The following OR2A42 variants were observed in gnomAD, a reference collection of about 807,000 sequenced individuals.
The protein encoded by OR2A42 is olfactory receptor 2A1/2A42.
For missense variants in OR2A42, 3 were observed against 104.1 expected, an observed-to-expected ratio of 0.03 and a Z score of 4.23; for synonymous variants, 5 against 46.4, an observed-to-expected ratio of 0.11 and a Z score of 3.63.
In OR2A42 at chr7:144,230,022, G is replaced by T. The variant is rs1265069521; in HGVS notation, c.*1889C>A. The T allele has an allele frequency of 6.7e-6, 1 of 149,164 alleles. No individual in the cohort carries two copies. The highest frequency in any genetic ancestry group is 1.9e-4 in the East Asian group (1 of 5,166). 9.2% of individuals were successfully genotyped at this position (149,164 alleles called of 1,614,324 possible). On this transcript the variant is annotated 3_prime_UTR_variant, in exon 3 of 3. Coordinates refer to ENST00000641810, the MANE Select transcript of OR2A42 (RefSeq NM_001001802.3). The stretch of plus-strand genomic sequence containing the variant: ...CTTAAAAGTTTTATCCATTGTTTTT[G>T]GTTTCACCATCCTGCCCGTCAAGAG...
chr7:144,235,013 G>A (rs1216943368), intron 2 of OR2A42, among the ~76,000 whole-genome samples: 1 of 146,598 alleles, frequency 6.8e-6, no homozygotes, highest in African/African-American at 2.6e-5. Context: ...GCGGTGGTGT[G>A]ATTACGGCTC....
chr7:144,235,700 T>C (rs1182565882), intron 2 of OR2A42, among the ~76,000 whole-genome samples: 2 of 152,162 alleles, frequency 1.3e-5, no homozygotes, highest in Non-Finnish European at 2.9e-5. Context: ...ATAGTTTCTT[T>C]CATTCTACAT....
At chr7:144,236,704 TC>T (rs2052434595) in intron 2 of OR2A42, among the ~76,000 whole-genome samples, 1 of 88,834 alleles carries the variant, frequency 1.1e-5, no homozygotes, top group Non-Finnish European at 2.0e-5. Flanking sequence ...TTTTTTTTTT[TC>T]TTTCTCTTTT....
chr7:144,234,966 T>A (rs78527371), intron 2 of OR2A42, among the ~76,000 whole-genome samples: 9,980 of 134,026 alleles, frequency 0.074, 29 homozygotes, highest in Non-Finnish European at 0.12. Flanking sequence ...TTATTTATTT[T>A]TTTGAGACGG....
intron 2 of OR2A42, among the ~76,000 whole-genome samples, chr7:144,237,562 AAAC>A (rs1194054691): frequency 4.5e-5 from 6 of 132,076 alleles, no homozygotes; most frequent in African/African-American, 1.9e-4. Context: ...ACAAACAAAC[AAAC>A]AACAACAAAA....
In OR2A42 at chr7:144,228,672, C is replaced by T. The variant is rs2052330457; in HGVS notation, c.*3239G>A. ...AAATGGGGTCAACAGATAAAGTGTC[C>T]TCTATGTATTCCGTATGTTTTTTGT... On this transcript the variant is annotated 3_prime_UTR_variant, in exon 3 of 3. Transcript: ENST00000641810. The T allele has an allele frequency of 7.9e-6, 1 of 126,396 alleles. No individual in the cohort carries two copies. Among genetic ancestry groups the T allele is most frequent in the African/African-American group, 2.9e-5 (1 of 34,332 alleles). The allele number at this position is 126,396 out of a possible 1,614,324, so 7.8% of individuals were successfully genotyped here.
In OR2A42 at chr7:144,228,505, A is replaced by C. The variant is rs1490601228; in HGVS notation, c.*3406T>G. 5 of 120,162 alleles carry C rather than the reference A, an allele frequency of 4.2e-5. 1 individual carries two copies. Among genetic ancestry groups the C allele is most frequent in the Non-Finnish European group, 9.0e-5 (5 of 55,280 alleles). The allele number at this position is 120,162 out of a possible 1,614,324, so 7.4% of individuals were successfully genotyped here. ...CATATTTGATGTAAGAATTTTTCTA[A>C]AGCATTTTATGCAGTGCCAACCACA... On this transcript the variant is annotated 3_prime_UTR_variant, in exon 3 of 3. Transcript: ENST00000641810.
rs1387136436 is a variant in OR2A42, at chr7:144,229,698, A to G, written c.*2213T>C. The G allele has an allele frequency of 6.6e-6, 1 of 150,438 alleles. No homozygotes were observed. Among genetic ancestry groups the G allele is most frequent in the African/African-American group, 2.4e-5 (1 of 41,014 alleles). 9.3% of individuals were successfully genotyped at this position (150,438 alleles called of 1,614,324 possible). A position where few individuals can be genotyped will look rare whatever the true frequency, so the allele number is the denominator to read the frequency against. On this transcript the variant is annotated 3_prime_UTR_variant, in exon 3 of 3. Transcript: ENST00000641810. ...GCAGCATCTGCCGTGAAACTAAACA[A>G]CCGTTTAAAAACTGTTCGGCAGCAA...
chr7:144,230,149 GTTT>G lies in OR2A42; in HGVS notation c.*1759_*1761del. On this transcript the variant is annotated 3_prime_UTR_variant, in exon 3 of 3. Coordinates refer to ENST00000641810, the MANE Select transcript of OR2A42 (RefSeq NM_001001802.3). ...AAAAAAAGCTGTTTTTTGTTTGTTT[GTTT>G]GTTTGTTTGTTTGTTTTTCCCCCAG... The G allele has an allele frequency of 7.5e-6, 1 of 133,966 alleles. No homozygotes were observed. The highest frequency in any genetic ancestry group is 2.5e-4 in the South Asian group (1 of 4,058). 8.3% of individuals were successfully genotyped at this position (133,966 alleles called of 1,614,324 possible). A position where few individuals can be genotyped will look rare whatever the true frequency, so the allele number is the denominator to read the frequency against.
At chr7:144,238,171 T>C (rs1382997161) in intron 2 of OR2A42, among the ~76,000 whole-genome samples, 2 of 109,348 alleles carry the variant, frequency 1.8e-5, no homozygotes, top group Admixed American at 1.9e-4. Context: ...GATTTTGTAG[T>C]CTTGATTATG....
chr7:144,235,078 AG>A (rs779355897), intron 2 of OR2A42, among the ~76,000 whole-genome samples: 2 of 146,940 alleles, frequency 1.4e-5, no homozygotes, highest in Non-Finnish European at 3.0e-5. Flanking sequence ...CCTCCCAAGT[AG>A]CTGGGATTAC....
In OR2A42 at chr7:144,229,144, C is replaced by G. The variant is rs1271908443; in HGVS notation, c.*2767G>C. 7.7e-6 allele frequency: 1 copy of G among 129,220 alleles called. No individual in the cohort carries two copies. Among genetic ancestry groups the G allele is most frequent in the Non-Finnish European group, 1.7e-5 (1 of 57,916 alleles). The allele number at this position is 129,220 out of a possible 1,614,324, so 8.0% of individuals were successfully genotyped here. A position where few individuals can be genotyped will look rare whatever the true frequency, so the allele number is the denominator to read the frequency against. ...GTTCCAGATCAGAAAGTTTAGCAAC[C>G]CTGACAGGTTTAAAATAACTTCTGA... is the stretch of plus-strand genomic sequence containing the variant. On this transcript the variant is annotated 3_prime_UTR_variant, in exon 3 of 3. Coordinates refer to ENST00000641810, the MANE Select transcript of OR2A42 (RefSeq NM_001001802.3).
intron 1 of OR2A42, 115 bp from the exon 2 acceptor site, chr7:144,238,858 T>A (rs1331931299): frequency 6.7e-6 from 1 of 149,978 alleles, no homozygotes; most frequent in Non-Finnish European, 1.5e-5. Flanking sequence ...GACAACATCT[T>A]TCATTATAGT....
At chr7:144,237,876 A>G (rs1212906650) in intron 2 of OR2A42, among the ~76,000 whole-genome samples, 1 of 148,410 alleles carries the variant, frequency 6.7e-6, no homozygotes, top group Non-Finnish European at 1.5e-5. Context: ...TTTATTAGTT[A>G]TATGACCTTG....
At position 144,228,254 on chromosome 7, in the gene OR2A42, A is replaced by C. The variant is rs1292015535; in HGVS notation, c.*3657T>G. 1 of 137,474 alleles carries C rather than the reference A, an allele frequency of 7.3e-6. No individual in the cohort carries two copies. Among genetic ancestry groups the C allele is most frequent in the African/African-American group, 2.7e-5 (1 of 36,510 alleles). 8.5% of individuals were successfully genotyped at this position (137,474 alleles called of 1,614,324 possible). On this transcript the variant is annotated 3_prime_UTR_variant, in exon 3 of 3. Transcript: ENST00000641810. Reference sequence around the variant, plus strand: ...TCATTTGTTCATTTAGTCAAAGTTTATTGAGTGTCTACTATGAACAGGCCT... The same window carrying C: ...TCATTTGTTCATTTAGTCAAAGTTTCTTGAGTGTCTACTATGAACAGGCCT...
chr7:144,238,899 C>T (rs528399668), intron 1 of OR2A42, 156 bp from the exon 2 acceptor site: 1 of 150,374 alleles, frequency 6.7e-6, no homozygotes, highest in African/African-American at 2.5e-5. Context: ...TGAATCCCAG[C>T]ACTGCCCTTG....
In OR2A42 at chr7:144,230,508, G is replaced by C. The variant is rs2052360296; in HGVS notation, c.*1403C>G. ...GGTTCTTGGAATAGTGCTTCACTAA[G>C]CACTGTGCGTATATGTGTGTGTGTG... On this transcript the variant is annotated 3_prime_UTR_variant, in exon 3 of 3. Coordinates refer to ENST00000641810, the MANE Select transcript of OR2A42 (RefSeq NM_001001802.3). The C allele has an allele frequency of 1.4e-5, 2 of 145,894 alleles. No homozygotes were observed. Among genetic ancestry groups the C allele is most frequent in the African/African-American group, 5.4e-5 (2 of 37,314 alleles). 9.0% of individuals were successfully genotyped at this position (145,894 alleles called of 1,614,324 possible).
intron 2 of OR2A42, among the ~76,000 whole-genome samples, chr7:144,234,920 C>G (rs2052406474): frequency 1.4e-5 from 2 of 138,570 alleles, no homozygotes; most frequent in Admixed American, 6.9e-5. Context: ...TTGTGAAATG[C>G]ATTTGAATTT....
rs1291117654 is a variant in OR2A42, at chr7:144,238,719, A to G, written c.-292T>C. ...GAGGGATCACTGGAGGAGCTGGGCC[A>G]TGAAACCTCCTGCATGCTCATCTCC... On this transcript the variant is annotated 5_prime_UTR_variant, in exon 2 of 3. It removes an upstream start codon present in the reference 5' UTR. Transcript: ENST00000641810. 6.6e-6 allele frequency: 1 copy of G among 151,862 alleles called. No homozygotes were observed. The allele number at this position is 151,862 out of a possible 1,614,324, so 9.4% of individuals were successfully genotyped here. A position where few individuals can be genotyped will look rare whatever the true frequency, so the allele number is the denominator to read the frequency against.
Sources: gnomAD v4.1 joint callset for allele counts (sites outside exome capture counted in the v4.1 genomes callset) on GRCh38, gnomAD v4.1.1 for gene constraint, MANE v1.5 for transcripts, NCBI Gene and HGNC (gene_info 2026-07-23, HGNC 2026-07-21) for gene names.